Variants in ARHGAP15 observed in about 807,000 individuals in gnomAD.
ARHGAP15 encodes the protein Rho GTPase activating protein 15.
Under a neutral mutation model 63.7 loss-of-function variants are expected in ARHGAP15, and 51 were observed. The ratio of observed to expected loss-of-function variants is 0.80; its 90% CI spans 0.64 to 1.01. ARHGAP15 has a LOEUF of 1.01. ARHGAP15 is among the 50% of genes least tolerant of loss of function. The pLI is 0.00. For missense variants in ARHGAP15, 560 were observed against 564.6 expected (o/e 0.99, Z 0.08); for synonymous variants, 191 against 193.8 (o/e 0.99, Z 0.12).
chr2:143,524,773 T>C (rs187967631), intron 10 of ARHGAP15, among the ~76,000 whole-genome samples: 61 of 152,304 alleles, frequency 4.0e-4, no homozygotes, highest in Admixed American at 3.1e-3. Flanking sequence ...AATATACTTA[T>C]CTAACAAAAA....
chr2:143,397,064 G>C (rs1368891753), intron 6 of ARHGAP15, among the ~76,000 whole-genome samples: 1 of 151,992 alleles, frequency 6.6e-6, no homozygotes, highest in African/African-American at 2.4e-5. Context: ...TAATTTTTCA[G>C]TGCTGCAAAG....
chr2:143,699,815 A>G (rs1318576259), intron 12 of ARHGAP15, among the ~76,000 whole-genome samples: 1 of 152,222 alleles, frequency 6.6e-6, no homozygotes, highest in African/African-American at 2.4e-5. Flanking sequence ...GTGAACATTT[A>G]TATAGTACTT....
At chr2:143,731,900 G>C (rs1348348912) in intron 13 of ARHGAP15, among the ~76,000 whole-genome samples, 4 of 152,206 alleles carry the variant, frequency 2.6e-5, no homozygotes, top group African/African-American at 9.6e-5. Context: ...AGCATCCAGA[G>C]AGAAGGTGTT....
chr2:143,350,118 A>G (rs184309726), intron 6 of ARHGAP15, among the ~76,000 whole-genome samples: 1 of 152,282 alleles, frequency 6.6e-6, no homozygotes, highest in Admixed American at 6.5e-5. Flanking sequence ...ATAAAAATAT[A>G]TTTTACCATC....
At chr2:143,526,003 C>T (rs922172552) in intron 10 of ARHGAP15, among the ~76,000 whole-genome samples, 1 of 152,088 alleles carries the variant, frequency 6.6e-6, no homozygotes, top group Non-Finnish European at 1.5e-5. Context: ...GTACCTGATA[C>T]CTGCTTTGCT....
intron 13 of ARHGAP15, among the ~76,000 whole-genome samples, chr2:143,764,110 G>A (rs1253978626): frequency 6.6e-6 from 1 of 152,026 alleles, no homozygotes; most frequent in Non-Finnish European, 1.5e-5. Context: ...AAAAGCAAAT[G>A]GAAAACGTGC....
At chr2:143,566,972 T>A (rs1696253475) in intron 11 of ARHGAP15, among the ~76,000 whole-genome samples, 2 of 151,172 alleles carry the variant, frequency 1.3e-5, no homozygotes, top group Non-Finnish European at 2.9e-5. Context: ...GCCTCCCGGG[T>A]TCATGCCATT....
intron 6 of ARHGAP15, among the ~76,000 whole-genome samples, chr2:143,287,034 T>C (rs1327890093): frequency 2.0e-5 from 3 of 152,148 alleles, no homozygotes; most frequent in African/African-American, 7.2e-5. Flanking sequence ...ACATAATTCT[T>C]AGGAGTCTAA....
intron 11 of ARHGAP15, among the ~76,000 whole-genome samples, chr2:143,575,209 C>T (rs555856980): frequency 1.8e-4 from 28 of 152,264 alleles, no homozygotes; most frequent in African/African-American, 6.5e-4. Context: ...CGCAGACACA[C>T]ATATGTGTAC....
At chr2:143,288,482 GCTTAT>G (rs1205510379) in intron 6 of ARHGAP15, among the ~76,000 whole-genome samples, 1 of 151,778 alleles carries the variant, frequency 6.6e-6, no homozygotes, top group Non-Finnish European at 1.5e-5. Context: ...TTGAGCACTA[GCTTAT>G]CTTAAGGCTT....
intron 6 of ARHGAP15, among the ~76,000 whole-genome samples, chr2:143,257,879 A>T (rs189744159): frequency 2.0e-5 from 3 of 152,238 alleles, no homozygotes; most frequent in Admixed American, 6.5e-5. Context: ...TTTTAATCTC[A>T]TTTATAAAGT....
intron 5 of ARHGAP15, among the ~76,000 whole-genome samples, chr2:143,247,654 G>T (rs1694094810): frequency 1.3e-5 from 2 of 152,150 alleles, no homozygotes; most frequent in African/African-American, 2.4e-5. Flanking sequence ...GCTAATATGA[G>T]ATTTTTCAAG....
At chr2:143,180,484 G>A (rs1483416088) in intron 2 of ARHGAP15, among the ~76,000 whole-genome samples, 1 of 152,042 alleles carries the variant, frequency 6.6e-6, no homozygotes, top group African/African-American at 2.4e-5. Context: ...TCATTCATAA[G>A]GATTGGAATA....
intron 8 of ARHGAP15, among the ~76,000 whole-genome samples, chr2:143,449,183 A>C (rs147519405): frequency 1.7e-4 from 26 of 152,166 alleles, no homozygotes; most frequent in African/African-American, 5.8e-4. Flanking sequence ...CACATCAAAA[A>C]GTCAACAGTC....
intron 10 of ARHGAP15, among the ~76,000 whole-genome samples, chr2:143,525,520 C>A (rs1694235385): frequency 6.6e-6 from 1 of 151,702 alleles, no homozygotes; most frequent in African/African-American, 2.4e-5. Context: ...CATGCATTTA[C>A]AATGGAGGTG....
intron 6 of ARHGAP15, among the ~76,000 whole-genome samples, chr2:143,260,298 A>T (rs1053497207): frequency 1.3e-5 from 2 of 152,160 alleles, no homozygotes; most frequent in Non-Finnish European, 2.9e-5. Flanking sequence ...AACCAATTAG[A>T]ATTAGGATAT....
chr2:143,446,696 T>C (rs972655398), intron 8 of ARHGAP15, among the ~76,000 whole-genome samples: 1 of 151,984 alleles, frequency 6.6e-6, no homozygotes, highest in East Asian at 1.9e-4. Context: ...GTTACATATG[T>C]ATACATGTGC....
At chr2:143,544,535 C>T (rs187563425) in intron 10 of ARHGAP15, among the ~76,000 whole-genome samples, 5 of 151,980 alleles carry the variant, frequency 3.3e-5, no homozygotes, top group East Asian at 1.9e-4. Flanking sequence ...ATATGTAAAA[C>T]GATTTAAAAA....
intron 9 of ARHGAP15, among the ~76,000 whole-genome samples, chr2:143,515,115 TA>T (rs58965477): frequency 0.3 from 44,666 of 151,402 alleles, 6,823 homozygotes; most frequent in South Asian, 0.46. Flanking sequence ...CTGGTCTTCG[TA>T]ACATCTTTCC....
Sources: allele counts gnomAD v4.1 joint callset (sites outside exome capture counted in the v4.1 genomes callset), GRCh38; gene constraint gnomAD v4.1.1; transcripts MANE v1.5; gene names NCBI Gene and HGNC (gene_info 2026-07-23, HGNC 2026-07-21).